The following KRTAP5-8 variants were observed in gnomAD, a reference collection of about 807,000 sequenced individuals.
The protein encoded by KRTAP5-8 is keratin-associated protein 5-8.
A neutral mutation model predicts 2.7 loss-of-function variants in KRTAP5-8; 2 were observed. The observed-to-expected ratio is 0.75, with a 90% CI of 0.30 to 2.35. The LOEUF is 2.35. Ranked by LOEUF, KRTAP5-8 falls within the 30% of genes most tolerant of loss-of-function variation. KRTAP5-8 has a pLI of 0.12. For synonymous variants in KRTAP5-8, 62 were observed against 89.1 expected, an observed-to-expected ratio of 0.70 and a Z score of 1.71; for missense variants, 183 against 227.2, an observed-to-expected ratio of 0.81 and a Z score of 1.25.
rs190660192 is a variant in KRTAP5-8 at position 71,538,233 on chromosome 11, C to T, written c.178C>T (p.Arg60Cys). 983 of 1,609,878 alleles carry T rather than the reference C, an allele frequency of 6.1e-4. 10 individuals are homozygous for T. In the African/African-American group the frequency reaches 0.011, roughly 19 times the overall value. ...CTCCTGTGGGGGCTCCAAGGGGGGC[C>T]GTGGCTCCTGTGGGGGCTCCAAGGG... ...CGSCGGSKGGRGSCGGSKGDC... is the reference protein window; with the variant it reads ...CGSCGGSKGGCGSCGGSKGDC... Residue 60 changes from arginine to cysteine, a missense_variant, in exon 1 of 1, where the codon CGT becomes TGT. Transcript: ENST00000398534.
At position 71,538,043 on chromosome 11, in the gene KRTAP5-8, A is replaced by G; in HGVS notation, c.-13A>G. The G allele has an allele frequency of 6.3e-7, 1 of 1,575,122 alleles. No individual in the cohort carries two copies. Among genetic ancestry groups the G allele is most frequent in the Non-Finnish European group, 8.6e-7 (1 of 1,164,218 alleles). ...TGCTCCTCTACCTGCTCCACCCTCAACCCACCAGAACCATGGGCTGCTGTG... is the reference window on the plus strand; with the variant it reads ...TGCTCCTCTACCTGCTCCACCCTCAGCCCACCAGAACCATGGGCTGCTGTG... On this transcript the variant is annotated 5_prime_UTR_variant, in exon 1 of 1. Coordinates refer to ENST00000398534, the MANE Select transcript of KRTAP5-8 (RefSeq NM_021046.3).
At position 71,538,097 on chromosome 11, in the gene KRTAP5-8, TG is replaced by T; in HGVS notation, c.47del (p.Gly16AlafsTer199). On this transcript the variant is annotated frameshift_variant, in exon 1 of 1. Coordinates refer to ENST00000398534, the MANE Select transcript of KRTAP5-8 (RefSeq NM_021046.3). LOFTEE classifies it low-confidence loss of function (END_TRUNC). ...GCTCTGGAGGCTGTGGCTCCGGCTG[TG>T]GGGGCTGCGGCTCTGGCTGTGGGGG... is the stretch of plus-strand genomic sequence containing the variant. ...GCSGGCGSGC[G>X]GCGSGCGGCG... 1 of 1,611,316 alleles carries T rather than the reference TG, an allele frequency of 6.2e-7. No individual in the cohort carries two copies. Among genetic ancestry groups the T allele is most frequent in the East Asian group, 2.2e-5 (1 of 44,778 alleles).
In KRTAP5-8 at chr11:71,538,226, G is replaced by A; in HGVS notation, c.171G>A (p.Lys57=). ...GCTGTGGCTCCTGTGGGGGCTCCAA[G>A]GGGGGCCGTGGCTCCTGTGGGGGCT... ...CSSCGSCGGS[K]GGRGSCGGSK... is the part of the protein sequence containing the mutation. Residue 57 remains lysine (K), a synonymous_variant, in exon 1 of 1, where the codon AAG becomes AAA. Transcript: ENST00000398534. 6.2e-7 allele frequency: 1 copy of A among 1,612,810 alleles called. No homozygotes were observed. The highest frequency in any genetic ancestry group is 8.5e-7 in the Non-Finnish European group (1 of 1,179,820).
At position 71,538,460 on chromosome 11, in the gene KRTAP5-8, G is replaced by A. The variant is rs200517331; in HGVS notation, c.405G>A (p.Gln135=). ...CSSGCGSSCC[Q]SSCCKPCCSQ... ...CAGGCTGTGGGTCATCCTGCTGCCAGTCCAGCTGCTGCAAGCCCTGCTGTT... is the reference window on the plus strand; with the variant it reads ...CAGGCTGTGGGTCATCCTGCTGCCAATCCAGCTGCTGCAAGCCCTGCTGTT... Residue 135 remains glutamine, a synonymous_variant, in exon 1 of 1, where the codon CAG becomes CAA. Coordinates refer to ENST00000398534, the MANE Select transcript of KRTAP5-8 (RefSeq NM_021046.3). The A allele has an allele frequency of 2.3e-5, 35 of 1,543,018 alleles. No individual in the cohort carries two copies. Among genetic ancestry groups the A allele is most frequent in the Admixed American group, 1.3e-4 (7 of 55,894 alleles).
chr11:71,538,856 A>T lies in KRTAP5-8; in HGVS notation c.*237A>T, dbSNP rs1234328268. ...CCCCTCTTCCTTTCCTGACCTCATC[A>T]CTTCAACCTTCTCAGGGCTTCAAGA... On this transcript the variant is annotated 3_prime_UTR_variant, in exon 1 of 1. Transcript: ENST00000398534. 1 of 799,212 alleles carries T rather than the reference A, an allele frequency of 1.3e-6. No individual in the cohort carries two copies. The highest frequency in any genetic ancestry group is 2.0e-6 in the Non-Finnish European group (1 of 505,782). 49.5% of individuals were successfully genotyped at this position (799,212 alleles called of 1,614,324 possible).
In KRTAP5-8 at chr11:71,538,706, C is replaced by T; in HGVS notation, c.*87C>T. On this transcript the variant is annotated 3_prime_UTR_variant, in exon 1 of 1. Transcript: ENST00000398534. Reference sequence around the variant, plus strand: ...TGTGTCCTGAATTCCTGAAGCACATCTCTGAGTCTGTCCTCCTCTGGACTA... The same window carrying T: ...TGTGTCCTGAATTCCTGAAGCACATTTCTGAGTCTGTCCTCCTCTGGACTA... 1 of 1,608,532 alleles carries T rather than the reference C, an allele frequency of 6.2e-7. No individual in the cohort carries two copies. The highest frequency in any genetic ancestry group is 1.7e-5 in the Admixed American group (1 of 59,884).
In KRTAP5-8 at chr11:71,538,894, G is replaced by A. The variant is rs1229053310; in HGVS notation, c.*275G>A. ...CAGGGCTTCAAGATCCCACATCCCT[G>A]GGCCCCTCCTGTGAGCCTGCTGGAA... On this transcript the variant is annotated 3_prime_UTR_variant, in exon 1 of 1. Coordinates refer to ENST00000398534, the MANE Select transcript of KRTAP5-8 (RefSeq NM_021046.3). The A allele has an allele frequency of 7.5e-6, 5 of 665,858 alleles. No individual in the cohort carries two copies. The highest frequency in any genetic ancestry group is 3.6e-5 in the African/African-American group (2 of 54,834). The allele number at this position is 665,858 out of a possible 1,614,324, so 41.2% of individuals were successfully genotyped here.
In KRTAP5-8 at chr11:71,538,119, G is replaced by A; in HGVS notation, c.64G>A (p.Gly22Arg). The A allele has an allele frequency of 6.2e-7, 1 of 1,611,626 alleles. No homozygotes were observed. The highest frequency in any genetic ancestry group is 8.5e-7 in the Non-Finnish European group (1 of 1,179,298). The change falls in exon 1 of 1, where the codon GGG becomes AGG. Residue 22 changes from glycine (G) to arginine (R), a missense_variant. Coordinates refer to ENST00000398534, the MANE Select transcript of KRTAP5-8 (RefSeq NM_021046.3). ...SGCGGCGSGC[G>R]GCGSSCCVPI... ...CTGTGGGGGCTGCGGCTCTGGCTGT[G>A]GGGGATGTGGCTCTAGCTGCTGTGT...
rs1302374891 is a variant in KRTAP5-8, at chr11:71,538,278, G to T, written c.223G>T (p.Gly75Cys). ...CAAGGGGGACTGTGGCTCCTGTGGG[G>T]GCTCCAAGGGAGGCTGTGGTTCTTG... ...GSKGDCGSCGGSKGGCGSCGC... is the reference protein window; with the variant it reads ...GSKGDCGSCGCSKGGCGSCGC... Residue 75 changes from glycine (G) to cysteine (C), a missense_variant, in exon 1 of 1, where the codon GGC becomes TGC. Transcript: ENST00000398534. 2 of 1,613,668 alleles carry T rather than the reference G, an allele frequency of 1.2e-6. No individual in the cohort carries two copies. Among genetic ancestry groups the T allele is most frequent in the South Asian group, 2.2e-5 (2 of 91,040 alleles).
At position 71,538,718 on chromosome 11, in the gene KRTAP5-8, C is replaced by A. The variant is rs1591152185; in HGVS notation, c.*99C>A. On this transcript the variant is annotated 3_prime_UTR_variant, in exon 1 of 1. Transcript: ENST00000398534. ...TCCTGAAGCACATCTCTGAGTCTGT[C>A]CTCCTCTGGACTAAGGCAGCCTAGC... 6.2e-7 allele frequency: 1 copy of A among 1,602,766 alleles called. No homozygotes were observed. Among genetic ancestry groups the A allele is most frequent in the African/African-American group, 1.3e-5 (1 of 74,910 alleles).
rs1950063572 is a variant in KRTAP5-8, at chr11:71,538,740, T to C, written c.*121T>C. On this transcript the variant is annotated 3_prime_UTR_variant, in exon 1 of 1. Coordinates refer to ENST00000398534, the MANE Select transcript of KRTAP5-8 (RefSeq NM_021046.3). ...TGTCCTCCTCTGGACTAAGGCAGCCTAGCGTCCAGGGCTCAGTACTCAGCT... is the reference window on the plus strand; with the variant it reads ...TGTCCTCCTCTGGACTAAGGCAGCCCAGCGTCCAGGGCTCAGTACTCAGCT... 3 of 1,580,062 alleles carry C rather than the reference T, an allele frequency of 1.9e-6. No individual in the cohort carries two copies. The highest frequency in any genetic ancestry group is 4.5e-5 in the East Asian group (2 of 44,686).
In KRTAP5-8 at chr11:71,538,158, T is replaced by C. The variant is rs1385158776; in HGVS notation, c.103T>C (p.Cys35Arg). The C allele has an allele frequency of 6.2e-7, 1 of 1,612,158 alleles. No individual in the cohort carries two copies. Among genetic ancestry groups the C allele is most frequent in the East Asian group, 2.2e-5 (1 of 44,790 alleles). Reference protein sequence around the residue: ...GSSCCVPICCCKPVCCCVPAC... With the variant: ...GSSCCVPICCRKPVCCCVPAC... ...TAGCTGCTGTGTGCCCATCTGCTGC[T>C]GCAAGCCCGTGTGCTGCTGTGTGCC... The change falls in exon 1 of 1, where the codon TGC (cysteine) becomes CGC (arginine). Residue 35 changes from cysteine to arginine, a missense_variant. By Grantham distance (180) the Cys-to-Arg change is radical. Transcript: ENST00000398534.
Position 71,538,219 on chromosome 11 carries a change from G to T in KRTAP5-8, c.164G>T (p.Gly55Val), listed in dbSNP as rs1565619479. The T allele has an allele frequency of 6.2e-7, 1 of 1,613,046 alleles. No individual in the cohort carries two copies. Among genetic ancestry groups the T allele is most frequent in the Admixed American group, 1.7e-5 (1 of 59,998 alleles). The change falls in exon 1 of 1, where the codon GGC (glycine) becomes GTC (valine). Residue 55 changes from glycine to valine, a missense_variant. This residue lies in a region of KRTAP5-8 where 113 missense variants were observed against 109.3 expected (regional missense o/e 1.03). Coordinates refer to ENST00000398534, the MANE Select transcript of KRTAP5-8 (RefSeq NM_021046.3). ...TGCTCCAGCTGTGGCTCCTGTGGGG[G>T]CTCCAAGGGGGGCCGTGGCTCCTGT... ...CSCSSCGSCGGSKGGRGSCGG... is the reference protein window; with the variant it reads ...CSCSSCGSCGVSKGGRGSCGG...
chr11:71,538,249 G>T lies in KRTAP5-8; in HGVS notation c.194G>T (p.Gly65Val), dbSNP rs564299923. ...AAGGGGGGCCGTGGCTCCTGTGGGG[G>T]CTCCAAGGGGGACTGTGGCTCCTGT... ...GSKGGRGSCGGSKGDCGSCGG... is the reference protein window; with the variant it reads ...GSKGGRGSCGVSKGDCGSCGG... The change falls in exon 1 of 1, where the codon GGC becomes GTC. Residue 65 changes from glycine to valine, a missense_variant. By Grantham distance (109) the Gly-to-Val change is moderately radical. Coordinates refer to ENST00000398534, the MANE Select transcript of KRTAP5-8 (RefSeq NM_021046.3). 6.2e-7 allele frequency: 1 copy of T among 1,613,178 alleles called. No individual in the cohort carries two copies. Among genetic ancestry groups the T allele is most frequent in the Non-Finnish European group, 8.5e-7 (1 of 1,179,906 alleles).
rs1950066124 is a variant in KRTAP5-8 at position 71,539,097 on chromosome 11, G to A, written c.*478G>A. ...CCCCAGGATCCTCTCCTGAGGAGGA[G>A]GGGCGCCCAGTCTCCTCTTCTACCT... On this transcript the variant is annotated 3_prime_UTR_variant, in exon 1 of 1. Transcript: ENST00000398534. The A allele has an allele frequency of 4.7e-6, 1 of 214,504 alleles. No homozygotes were observed. The highest frequency in any genetic ancestry group is 2.3e-5 in the African/African-American group (1 of 43,220). The allele number at this position is 214,504 out of a possible 1,614,324, so 13.3% of individuals were successfully genotyped here.
rs764610466 is a variant in KRTAP5-8, at chr11:71,538,997, A to G, written c.*378A>G. Reference sequence around the variant, plus strand: ...CAACCTCCTGGCTCCTCCACCCTTCATCTTCATCCTGCCTGAGCTGCCACA... The same window carrying G: ...CAACCTCCTGGCTCCTCCACCCTTCGTCTTCATCCTGCCTGAGCTGCCACA... On this transcript the variant is annotated 3_prime_UTR_variant, in exon 1 of 1. Coordinates refer to ENST00000398534, the MANE Select transcript of KRTAP5-8 (RefSeq NM_021046.3). 4.4e-5 allele frequency: 17 copies of G among 389,238 alleles called. No homozygotes were observed. Among genetic ancestry groups the G allele is most frequent in the African/African-American group, 8.2e-5 (4 of 48,836 alleles). 24.1% of individuals were successfully genotyped at this position (389,238 alleles called of 1,614,324 possible).
chr11:71,538,259 G>A lies in KRTAP5-8; in HGVS notation c.204G>A (p.Gly68=), dbSNP rs550667548. 1.2e-6 allele frequency: 2 copies of A among 1,612,832 alleles called. No individual in the cohort carries two copies. Among genetic ancestry groups the A allele is most frequent in the South Asian group, 1.1e-5 (1 of 90,976 alleles). Residue 68 remains glycine (G), a synonymous_variant, in exon 1 of 1, where the codon GGG becomes GGA. Transcript: ENST00000398534. ...GGRGSCGGSK[G]DCGSCGGSKG... ...GTGGCTCCTGTGGGGGCTCCAAGGG[G>A]GACTGTGGCTCCTGTGGGGGCTCCA... is the stretch of plus-strand genomic sequence containing the variant.
rs1950060514 is a variant in KRTAP5-8, at chr11:71,538,482, TGTTCCC to T, written c.428_433del (p.Cys143_Gln145delinsTer). The T allele has an allele frequency of 6.3e-7, 1 of 1,584,522 alleles. No homozygotes were observed. ...CCAGTCCAGCTGCTGCAAGCCCTGCTGTTCCCAGTCCAGCTGCTGTAAGCCCTGCTG... is the reference window on the plus strand; with the variant it reads ...CCAGTCCAGCTGCTGCAAGCCCTGCTAGTCCAGCTGCTGTAAGCCCTGCTG... On this transcript the variant is annotated stop_gained and inframe_deletion, in exon 1 of 1. Transcript: ENST00000398534. LOFTEE classifies it high-confidence loss of function.
rs1014674020 is a variant in KRTAP5-8 at position 71,538,200 on chromosome 11, A to AGCTGTGGCT, written c.146_154dup (p.Gly51_Ser52insCysCysGly). On this transcript the variant is annotated inframe_insertion, in exon 1 of 1. Coordinates refer to ENST00000398534, the MANE Select transcript of KRTAP5-8 (RefSeq NM_021046.3). ...CTGTGTGCCAGCCTGTTCCTGCTCCAGCTGTGGCTCCTGTGGGGGCTCCAA... is the reference window on the plus strand; with the variant it reads ...CTGTGTGCCAGCCTGTTCCTGCTCCAGCTGTGGCTGCTGTGGCTCCTGTGGGGGCTCCAA... The AGCTGTGGCT allele has an allele frequency of 6.2e-7, 1 of 1,610,140 alleles. No individual in the cohort carries two copies. The highest frequency in any genetic ancestry group is 8.5e-7 in the Non-Finnish European group (1 of 1,179,428).
Sources: gnomAD v4.1 joint callset for allele counts on GRCh38, gnomAD v4.1.1 for gene constraint, gnomAD v4.1.1 regional missense constraint, MANE v1.5 for transcripts, NCBI Gene and HGNC (gene_info 2026-07-23, HGNC 2026-07-21) for gene names.